Variants in PLCB1 observed in about 807,000 individuals in gnomAD.
The protein encoded by PLCB1 is phospholipase C beta 1.
Under a neutral mutation model 161.8 loss-of-function variants are expected in PLCB1, and 46 were observed. The ratio of observed to expected loss-of-function variants is 0.28; its 90% CI spans 0.22 to 0.36. PLCB1 has a LOEUF of 0.36. Ranked by LOEUF, PLCB1 falls within the 10% of genes least tolerant of loss-of-function variation. The pLI is 1.00. For missense variants in PLCB1, 1,016 were observed against 1,472.5 expected, an observed-to-expected ratio of 0.69 and a Z score of 5.07; for synonymous variants, 517 against 503.7, an observed-to-expected ratio of 1.03 and a Z score of -0.35.
chr20:8,591,676 G>T (rs1286495191), intron 3 of PLCB1, among the ~76,000 whole-genome samples: 1 of 152,148 alleles, frequency 6.6e-6, no homozygotes, highest in African/African-American at 2.4e-5. Flanking sequence ...CACTGTAGGG[G>T]CCACGTGGGA....
chr20:8,401,168 T>G (rs1978532426), intron 3 of PLCB1, among the ~76,000 whole-genome samples: 1 of 152,196 alleles, frequency 6.6e-6, no homozygotes, highest in Non-Finnish European at 1.5e-5. Context: ...TCATATTGTG[T>G]TGTTTGTATT....
chr20:8,191,265 C>G (rs117340406), intron 2 of PLCB1, among the ~76,000 whole-genome samples: 3,364 of 152,020 alleles, frequency 0.022, 52 homozygotes, highest in Middle Eastern at 0.037. Flanking sequence ...TCCTCTGAAG[C>G]ATTTATCCTT....
At chr20:8,212,987 C>G (rs180850843) in intron 2 of PLCB1, among the ~76,000 whole-genome samples, 6 of 152,112 alleles carry the variant, frequency 3.9e-5, no homozygotes, top group Non-Finnish European at 7.4e-5. Context: ...GAGTTCTCTT[C>G]CTCCACTCCT....
chr20:8,261,513 G>A (rs901129084), intron 2 of PLCB1, among the ~76,000 whole-genome samples: 1 of 152,050 alleles, frequency 6.6e-6, no homozygotes, highest in East Asian at 1.9e-4. Flanking sequence ...GGTTGATGTC[G>A]AGCCTTATGA....
intron 3 of PLCB1, among the ~76,000 whole-genome samples, chr20:8,555,024 TA>T (rs1985904642): frequency 6.6e-6 from 1 of 152,122 alleles, no homozygotes. Context: ...AATCTTAAGT[TA>T]AAATGTCACA....
intron 3 of PLCB1, among the ~76,000 whole-genome samples, chr20:8,542,548 A>C (rs895219141): frequency 2.0e-5 from 3 of 152,188 alleles, no homozygotes; most frequent in Admixed American, 2.0e-4. Flanking sequence ...CTGAAATCAC[A>C]TGTTGGAAAA....
chr20:8,436,421 T>G (rs1980310164), intron 3 of PLCB1, among the ~76,000 whole-genome samples: 1 of 142,606 alleles, frequency 7.0e-6, no homozygotes, highest in African/African-American at 2.7e-5. Flanking sequence ...CTGGACTTCT[T>G]AAGTTGTGTT....
chr20:8,761,979 G>GGGC (rs1055479071), intron 25 of PLCB1, among the ~76,000 whole-genome samples: 1 of 151,652 alleles, frequency 6.6e-6, no homozygotes, highest in East Asian at 2.0e-4. Context: ...GAGGCCAAGG[G>GGGC]GGGGGCGGAT....
rs184539962 is a variant in PLCB1, at chr20:8,847,020, T to A, written c.3424-34602T>A. ...GAATCAGAGGAGCTTTGAGAAATAC[T>A]GATGTTTTGGTCTCAGCCCCAAAGA... On this transcript the variant is annotated intron_variant, in intron 31 of 31. Coordinates refer to ENST00000338037, the MANE Select transcript of PLCB1 (RefSeq NM_015192.4). Among the ~76,000 whole-genome samples, 17 of 152,346 alleles carry A rather than the reference T, an allele frequency of 1.1e-4. No individual in the cohort carries two copies. In the East Asian group the frequency reaches 3.3e-3, roughly 29 times the overall value.
At chr20:8,192,140 C>A (rs2123110279) in intron 2 of PLCB1, among the ~76,000 whole-genome samples, 1 of 152,010 alleles carries the variant, frequency 6.6e-6, no homozygotes, top group South Asian at 2.1e-4. Flanking sequence ...AAAATGTCAT[C>A]CTTTTATTCA....
chr20:8,617,839 T>A (rs1371737201), intron 3 of PLCB1, among the ~76,000 whole-genome samples: 1 of 152,112 alleles, frequency 6.6e-6, no homozygotes, highest in Non-Finnish European at 1.5e-5. Flanking sequence ...AAAAAAAGGT[T>A]ATATATATAT....
chr20:8,874,789 T>C (rs1600108503), intron 31 of PLCB1, among the ~76,000 whole-genome samples: 1 of 152,172 alleles, frequency 6.6e-6, no homozygotes, highest in East Asian at 1.9e-4. Flanking sequence ...ATGCTATTTT[T>C]CCTGTACAAA....
intron 9 of PLCB1, among the ~76,000 whole-genome samples, chr20:8,662,629 A>G (rs887027937): frequency 6.8e-6 from 1 of 147,778 alleles, no homozygotes; most frequent in Non-Finnish European, 1.5e-5. Flanking sequence ...AATATAATAT[A>G]TAAATATTAC....
At chr20:8,772,989 G>A (rs997019689) in intron 26 of PLCB1, among the ~76,000 whole-genome samples, 2 of 152,192 alleles carry the variant, frequency 1.3e-5, no homozygotes, top group African/African-American at 4.8e-5. Context: ...GTCATGCCAA[G>A]AGGAAAGTTT....
chr20:8,608,835 A>G (rs1987827274), intron 3 of PLCB1, among the ~76,000 whole-genome samples: 1 of 152,178 alleles, frequency 6.6e-6, no homozygotes, highest in Admixed American at 6.5e-5. Context: ...TAGTTTCTTA[A>G]ATTTGAATGA....
chr20:8,176,800 A>C (rs564686515), intron 2 of PLCB1, among the ~76,000 whole-genome samples: 6 of 152,322 alleles, frequency 3.9e-5, no homozygotes, highest in African/African-American at 1.2e-4. Flanking sequence ...TTACAACTGC[A>C]TATGAAATCT....
chr20:8,139,775 A>T (rs565494868), intron 1 of PLCB1, among the ~76,000 whole-genome samples: 1 of 152,336 alleles, frequency 6.6e-6, no homozygotes, highest in South Asian at 2.1e-4. Context: ...GCTGTGTTGG[A>T]TATGGTTGAA....
At chr20:8,717,913 G>A in intron 14 of PLCB1, 65 bp downstream of exon 14, 15 of 1,453,032 alleles carry the variant, frequency 1.0e-5, no homozygotes, top group Non-Finnish European at 1.3e-5. Context: ...GCTCTGGGCT[G>A]TGCGTGGTGG....
At chr20:8,414,494 A>G (rs1394407369) in intron 3 of PLCB1, among the ~76,000 whole-genome samples, 2 of 152,102 alleles carry the variant, frequency 1.3e-5, no homozygotes, top group African/African-American at 4.8e-5. Context: ...TGAATCCTGT[A>G]TGAATGCGTA....
Sources: allele counts gnomAD v4.1 joint callset (sites outside exome capture counted in the v4.1 genomes callset), GRCh38; gene constraint gnomAD v4.1.1; transcripts MANE v1.5; gene names NCBI Gene and HGNC (gene_info 2026-07-23, HGNC 2026-07-21).